CSMD1: variants seen among roughly 807,000 people sequenced by gnomAD.
The protein encoded by CSMD1 is CUB and sushi domain-containing protein 1.
Under a neutral mutation model 417.5 loss-of-function variants are expected in CSMD1, and 213 were observed. That is an observed-to-expected ratio of 0.51 (90% confidence interval 0.46 to 0.57). The LOEUF is 0.57. Among genes scored for constraint, CSMD1 ranks in the 20% least tolerant of loss-of-function variants. The pLI is 0.00. For missense variants in CSMD1, 6,923 were observed against 4,529.7 expected (o/e 1.53, Z -15.17); for synonymous variants, 2,862 against 1,736.8 (o/e 1.65, Z -16.11).
chr8:3,888,612 C>G (rs1412648720), intron 5 of CSMD1, among the ~76,000 whole-genome samples: 1 of 152,120 alleles, frequency 6.6e-6, no homozygotes. Context: ...CTAACAAGAT[C>G]TTTGTCATAC....
intron 3 of CSMD1, among the ~76,000 whole-genome samples, chr8:4,139,311 C>T (rs1214139328): frequency 1.4e-4 from 22 of 152,224 alleles, no homozygotes; most frequent in Admixed American, 1.1e-3. Flanking sequence ...TGTCGTTATA[C>T]TTATACGAAA....
chr8:3,825,295 C>G (rs1031006246), intron 5 of CSMD1, among the ~76,000 whole-genome samples: 6 of 152,012 alleles, frequency 3.9e-5, no homozygotes, highest in Admixed American at 3.9e-4. Context: ...TTTGGGAGAC[C>G]GCGACAGGTG....
intron 2 of CSMD1, among the ~76,000 whole-genome samples, chr8:4,497,723 A>G (rs1802050045): frequency 6.6e-6 from 1 of 152,240 alleles, no homozygotes; most frequent in African/African-American, 2.4e-5. Context: ...AAAAATACAC[A>G]ACTCCTTTCA....
chr8:4,577,939 G>C (rs987071269), intron 2 of CSMD1, among the ~76,000 whole-genome samples: 13 of 152,142 alleles, frequency 8.5e-5, no homozygotes, highest in Non-Finnish European at 1.8e-4. Flanking sequence ...TATGATATTG[G>C]ATGGCCAGAG....
intron 7 of CSMD1, among the ~76,000 whole-genome samples, chr8:3,674,059 T>C (rs929392580): frequency 2.0e-5 from 3 of 152,124 alleles, no homozygotes; most frequent in South Asian, 4.1e-4. Flanking sequence ...TGAGCCATGA[T>C]AATGTCATTG....
intron 1 of CSMD1, among the ~76,000 whole-genome samples, chr8:4,666,595 T>C (rs1804952828): frequency 6.6e-6 from 1 of 152,240 alleles, no homozygotes; most frequent in South Asian, 2.1e-4. Context: ...AAATTTATGC[T>C]GTTTCAAACC....
intron 1 of CSMD1, among the ~76,000 whole-genome samples, chr8:4,903,890 A>G (rs1397001442): frequency 6.6e-6 from 1 of 152,238 alleles, no homozygotes; most frequent in Non-Finnish European, 1.5e-5. Flanking sequence ...TTCAACGCCG[A>G]TAATGCATTT....
chr8:4,540,324 T>G (rs1333826997), intron 2 of CSMD1, among the ~76,000 whole-genome samples: 1 of 151,992 alleles, frequency 6.6e-6, no homozygotes, highest in Non-Finnish European at 1.5e-5. Context: ...ACTAAAAAAC[T>G]TTTCCATGCA....
rs1223444687 is a variant in CSMD1, at chr8:4,390,517, A to ATTTATTTATTTATTTATTTATTTT, written c.415+29435_415+29436insAAAATAAATAAATAAATAAATAAA. Among the ~76,000 whole-genome samples the ATTTATTTATTTATTTATTTATTTT allele has an allele frequency of 1.3e-5, 2 of 149,228 alleles. 1 individual carries two copies. Among genetic ancestry groups the ATTTATTTATTTATTTATTTATTTT allele is most frequent in the African/African-American group, 4.9e-5 (2 of 40,606 alleles). On this transcript the variant is annotated intron_variant, in intron 3 of 69. Transcript: ENST00000635120. ...TCCATTTTTATTTATTTATTTATTT[A>ATTTATTTATTTATTTATTTATTTT]TTTATTTATTTTTTGAGATGGAGTC...
chr8:4,610,160 C>T (rs1319377308), intron 2 of CSMD1, among the ~76,000 whole-genome samples: 1 of 152,048 alleles, frequency 6.6e-6, no homozygotes, highest in Non-Finnish European at 1.5e-5. Flanking sequence ...CCTTTTCTTC[C>T]CCTGCTTTCT....
At chr8:3,626,085 T>A (rs1796477757) in intron 7 of CSMD1, among the ~76,000 whole-genome samples, 1 of 152,194 alleles carries the variant, frequency 6.6e-6, no homozygotes, top group Non-Finnish European at 1.5e-5. Flanking sequence ...AGAATCGTCC[T>A]CATCACCATC....
At chr8:3,652,667 C>A (rs139172703) in intron 7 of CSMD1, among the ~76,000 whole-genome samples, 2 of 152,148 alleles carry the variant, frequency 1.3e-5, no homozygotes, top group Admixed American at 6.5e-5. Context: ...TTATTCACTA[C>A]CATAGGAACA....
intron 11 of CSMD1, among the ~76,000 whole-genome samples, chr8:3,491,451 C>T (rs1041480565): frequency 1.3e-5 from 2 of 152,158 alleles, no homozygotes; most frequent in African/African-American, 4.8e-5. Context: ...TAAAAGTTAG[C>T]TAGGACATTA....
At position 2,955,765 on chromosome 8, in the gene CSMD1, T is replaced by A; in HGVS notation, c.9818A>T (p.His3273Leu). ...WSGIQTECIP[H>L]ACRQPETPAH... ...CGGGGTTTCTGGCTGTCTGCAGGCA[T>A]GAGCTGAAACAACATTAGGAAACAT... Residue 3273 changes from histidine to leucine, a missense_variant, in exon 64 of 70, where the codon CAT (histidine) becomes CTT (leucine). Transcript: ENST00000635120. 1 of 1,613,432 alleles carries A rather than the reference T, an allele frequency of 6.2e-7. No homozygotes were observed. Among genetic ancestry groups the A allele is most frequent in the Non-Finnish European group, 8.5e-7 (1 of 1,179,586 alleles).
chr8:3,513,618 A>G (rs917668643), intron 10 of CSMD1, among the ~76,000 whole-genome samples: 2 of 152,192 alleles, frequency 1.3e-5, no homozygotes, highest in African/African-American at 4.8e-5. Flanking sequence ...AAACATGGTA[A>G]GACTTACTGC....
At chr8:4,706,507 T>C (rs1311402107) in intron 1 of CSMD1, among the ~76,000 whole-genome samples, 2 of 152,226 alleles carry the variant, frequency 1.3e-5, no homozygotes, top group Non-Finnish European at 2.9e-5. Flanking sequence ...TTAAATACTT[T>C]TATTCACAAA....
chr8:4,678,000 T>C (rs1360651391), intron 1 of CSMD1, among the ~76,000 whole-genome samples: 1 of 152,090 alleles, frequency 6.6e-6, no homozygotes. Flanking sequence ...TCAGAGACAG[T>C]GATAAACAAA....
At chr8:3,147,361 A>T (rs947387084) in intron 40 of CSMD1, among the ~76,000 whole-genome samples, 1 of 152,234 alleles carries the variant, frequency 6.6e-6, no homozygotes, top group African/African-American at 2.4e-5. Context: ...TAAATAAGTA[A>T]TATTTGTAAG....
intron 53 of CSMD1, among the ~76,000 whole-genome samples, chr8:2,998,706 T>C (rs1563220627): frequency 1.3e-5 from 2 of 152,220 alleles, no homozygotes. Flanking sequence ...CCTATTTTTG[T>C]TGAGAATCTC....
Sources: gnomAD v4.1 joint callset for allele counts (sites outside exome capture counted in the v4.1 genomes callset) on GRCh38, gnomAD v4.1.1 for gene constraint, MANE v1.5 for transcripts, NCBI Gene and HGNC (gene_info 2026-07-23, HGNC 2026-07-21) for gene names.